DGCR6L: variants seen among roughly 807,000 people sequenced by gnomAD.
DGCR6L encodes the protein protein DGCR6L.
A neutral mutation model predicts 31.1 loss-of-function variants in DGCR6L; 24 were observed. The observed-to-expected ratio is 0.77, with a 90% CI of 0.56 to 1.08. The LOEUF is 1.08. Ranked by LOEUF, DGCR6L falls within the 50% of genes least tolerant of loss-of-function variation. The pLI is 0.00. For missense variants in DGCR6L, 218 were observed against 287.1 expected (o/e 0.76, Z 1.74); for synonymous variants, 104 against 126.1 (o/e 0.82, Z 1.17).
In DGCR6L at chr22:20,315,371, C is replaced by T. The variant is rs778848105; in HGVS notation, c.478G>A (p.Gly160Arg). ...ADQQSTLEKA[G>R]VAGFYVTTNP... ...GTGGTCACGTAGAAGCCAGCCACCC[C>T]CGCCTTCTCCAGTGTGCTCTGCTGG... The change falls in exon 4 of 5, where the codon GGG becomes AGG. Residue 160 changes from glycine to arginine, a missense_variant. Physicochemically the swap from Gly to Arg is moderately radical, Grantham distance 125 (BLOSUM62 -2). This residue lies in a region of DGCR6L where 58 missense variants were observed against 105.4 expected (regional missense o/e 0.55). Transcript: ENST00000248879. The T allele has an allele frequency of 6.2e-7, 1 of 1,613,924 alleles. No homozygotes were observed. Among genetic ancestry groups the T allele is most frequent in the Non-Finnish European group, 8.5e-7 (1 of 1,180,012 alleles).
intron 2 of DGCR6L, 109 bp downstream of exon 2, chr22:20,319,530 A>T: frequency 6.8e-7 from 1 of 1,473,900 alleles, no homozygotes; most frequent in African/African-American, 1.4e-5. Context: ...AATCTTAGAG[A>T]CCTCTTCCGA....
At position 20,316,358 on chromosome 22, in the gene DGCR6L, C is replaced by T. The variant is rs944179749; in HGVS notation, c.272-139G>A. 7 of 1,170,604 alleles carry T rather than the reference C, an allele frequency of 6.0e-6. No individual in the cohort carries two copies. In the African/African-American group the frequency reaches 9.1e-5, roughly 15 times the overall value. 72.5% of individuals were successfully genotyped at this position (1,170,604 alleles called of 1,614,324 possible). A position where few individuals can be genotyped will look rare whatever the true frequency, so the allele number is the denominator to read the frequency against. ...GGGGAGGATGCCAGCCTCCTCCATCCTCCCACCCCACTGTCACCCAGGGCC... is the reference window on the plus strand; with the variant it reads ...GGGGAGGATGCCAGCCTCCTCCATCTTCCCACCCCACTGTCACCCAGGGCC... On this transcript the variant is annotated intron_variant, in intron 2 of 4. Transcript: ENST00000248879.
At chr22:20,315,039 T>A (rs1200683756) in intron 4 of DGCR6L, 4 of 1,274,434 alleles carry the variant, frequency 3.1e-6, no homozygotes, top group Admixed American at 2.0e-5. Context: ...AATCTGAGCC[T>A]CTGCCCCCAG....
At chr22:20,316,433 C>T (rs1419714840) in intron 2 of DGCR6L, among the ~76,000 whole-genome samples, 8 of 152,322 alleles carry the variant, frequency 5.3e-5, no homozygotes, top group Admixed American at 1.3e-4. Flanking sequence ...AGGTGCGGGG[C>T]ACTGAAAGAG....
At position 20,319,648 on chromosome 22, in the gene DGCR6L, C is replaced by T. The variant is rs143007248; in HGVS notation, c.262G>A (p.Glu88Lys). 1.9e-6 allele frequency: 3 copies of T among 1,611,396 alleles called. No individual in the cohort carries two copies. The highest frequency in any genetic ancestry group is 2.5e-6 in the Non-Finnish European group (3 of 1,179,806). ...CGCTGCCCCCGCGCACCTCGGTGCT[C>T]GTTCTGTAGGCGCAGGCGCTGGTTG... ...LYNQRLRLQN[E>K]HRVLRQALRQ... Residue 88 changes from glutamate to lysine, a missense_variant, in exon 2 of 5, where the codon GAG (glutamate) becomes AAG (lysine). By Grantham distance (56) the Glu-to-Lys change is moderately conservative. Coordinates refer to ENST00000248879, the MANE Select transcript of DGCR6L (RefSeq NM_033257.4).
Position 20,319,663 on chromosome 22 carries a change from G to C in DGCR6L, c.247C>G (p.Leu83Val). Residue 83 changes from leucine (L) to valine (V), a missense_variant, in exon 2 of 5, where the codon CTG becomes GTG. By Grantham distance (32) the Leu-to-Val change is conservative. Around this residue, in one of 4 missense-constraint regions of DGCR6L, gnomAD observed 78 missense variants for 90.0 expected, o/e 0.87. Coordinates refer to ENST00000248879, the MANE Select transcript of DGCR6L (RefSeq NM_033257.4). ...LTEKSLYNQR[L>V]RLQNEHRVLR... ...CCTCGGTGCTCGTTCTGTAGGCGCAGGCGCTGGTTGTACAGGCTCTTTTCG... is the reference window on the plus strand; with the variant it reads ...CCTCGGTGCTCGTTCTGTAGGCGCACGCGCTGGTTGTACAGGCTCTTTTCG... The C allele has an allele frequency of 6.2e-7, 1 of 1,611,716 alleles. No homozygotes were observed. Among genetic ancestry groups the C allele is most frequent in the Non-Finnish European group, 8.5e-7 (1 of 1,179,856 alleles).
chr22:20,315,461 T>C lies in DGCR6L; in HGVS notation c.388A>G (p.Ile130Val). ...QRELEAVEHR[I>V]REEQRAMDQK... ...TCCATCGCCCGCTGCTCCTCACGGATCCGGTGTTCCACGGCCTGCCATGGG... is the reference window on the plus strand; with the variant it reads ...TCCATCGCCCGCTGCTCCTCACGGACCCGGTGTTCCACGGCCTGCCATGGG... Residue 130 changes from isoleucine (I) to valine (V), a missense_variant, in exon 4 of 5, where the codon ATC becomes GTC. Transcript: ENST00000248879. 1.2e-6 allele frequency: 2 copies of C among 1,613,546 alleles called. No individual in the cohort carries two copies. Among genetic ancestry groups the C allele is most frequent in the Non-Finnish European group, 1.7e-6 (2 of 1,179,950 alleles).
At chr22:20,317,618 A>G (rs1286640111) in intron 2 of DGCR6L, among the ~76,000 whole-genome samples, 1 of 152,258 alleles carries the variant, frequency 6.6e-6, no homozygotes, top group Non-Finnish European at 1.5e-5. Flanking sequence ...GCTATAAGGA[A>G]CTATAGCTCT....
At chr22:20,319,576 C>T (rs1373679019) in intron 2 of DGCR6L, 63 bp downstream of exon 2, 5 of 1,581,304 alleles carry the variant, frequency 3.2e-6, no homozygotes, top group Non-Finnish European at 4.3e-6. Context: ...GCACAGATAC[C>T]AAGAGCTGCC....
chr22:20,318,675 G>C (rs2051586798), intron 2 of DGCR6L: 1 of 152,208 alleles, frequency 6.6e-6, no homozygotes, highest in African/African-American at 2.4e-5. Flanking sequence ...AGCTGTGTAG[G>C]AGACCAGTTT....
rs1335888110 is a variant in DGCR6L, at chr22:20,319,974, C to A, written c.15G>T (p.Ala5=). The A allele has an allele frequency of 1.3e-6, 2 of 1,596,442 alleles. No homozygotes were observed. The highest frequency in any genetic ancestry group is 3.5e-5 in the Admixed American group (2 of 57,624). The change falls in exon 1 of 5, where the codon GCG becomes GCT. Residue 5 remains alanine (A), a synonymous_variant. Coordinates refer to ENST00000248879, the MANE Select transcript of DGCR6L (RefSeq NM_033257.4). ...CGTCCGCCACCTCCTCCAAGGCGGC[C>A]GCGTAGCGCTCCATGGCGCGGACGC... MERY[A]AALEEVADGA... is the part of the protein sequence containing the mutation.
chr22:20,320,029 C>G lies in DGCR6L; in HGVS notation c.-41G>C. ...TAGCCGCCGGCGGCGGCGACGAGCT[C>G]CCCCAGCTTCACGACATCCCGAGCG... is the stretch of plus-strand genomic sequence containing the variant. On this transcript the variant is annotated 5_prime_UTR_variant, in exon 1 of 5. Transcript: ENST00000248879. 6.7e-7 allele frequency: 1 copy of G among 1,497,132 alleles called. No individual in the cohort carries two copies. Among genetic ancestry groups the G allele is most frequent in the Non-Finnish European group, 8.9e-7 (1 of 1,128,274 alleles). 92.7% of individuals were successfully genotyped at this position (1,497,132 alleles called of 1,614,324 possible).
At chr22:20,318,289 C>T (rs1247223088) in intron 2 of DGCR6L, 1 of 152,368 alleles carries the variant, frequency 6.6e-6, no homozygotes, top group African/African-American at 2.4e-5. Flanking sequence ...GGGGGCCTTG[C>T]ACTGCTAGGA....
intron 2 of DGCR6L, chr22:20,318,144 T>C (rs1372212908): frequency 1.3e-5 from 2 of 155,448 alleles, no homozygotes; most frequent in African/African-American, 4.8e-5. Context: ...TGTAATTCAC[T>C]GTAGTAATAG....
intron 4 of DGCR6L, 61 bp from the exon 5 acceptor site, chr22:20,314,885 C>A (rs950806525): frequency 2.5e-6 from 4 of 1,607,204 alleles, no homozygotes; most frequent in Non-Finnish European, 3.4e-6. Context: ...TCATCCCGGC[C>A]CAAGGGTGCC....
At chr22:20,319,835 A>C (rs1201090992) in intron 1 of DGCR6L, 36 bp from the exon 2 acceptor site, 3 of 1,597,802 alleles carry the variant, frequency 1.9e-6, no homozygotes, top group Non-Finnish European at 2.6e-6. Context: ...CCCGGCGGGA[A>C]ACGAAGCCGC....
intron 2 of DGCR6L, among the ~76,000 whole-genome samples, chr22:20,316,491 C>A (rs1378131937): frequency 1.3e-5 from 2 of 152,196 alleles, no homozygotes; most frequent in African/African-American, 4.8e-5. Flanking sequence ...CAGCCCCAGA[C>A]CCAGGGCAGC....
At chr22:20,314,980 A>C in intron 4 of DGCR6L, 156 bp from the exon 5 acceptor site, 2 of 1,481,754 alleles carry the variant, frequency 1.3e-6, no homozygotes, top group Non-Finnish European at 1.8e-6. Flanking sequence ...TTCTGCCCCC[A>C]ACAGGGCCAC....
intron 4 of DGCR6L, 97 bp downstream of exon 4, chr22:20,315,239 A>G (rs764320176): frequency 6.5e-7 from 1 of 1,544,556 alleles, no homozygotes; most frequent in South Asian, 1.2e-5. Flanking sequence ...TCACCCCCAT[A>G]CCCTGAGCCT....
Sources: allele counts gnomAD v4.1 joint callset (sites outside exome capture counted in the v4.1 genomes callset), GRCh38; gene constraint gnomAD v4.1.1; regional missense constraint gnomAD v4.1.1; transcripts MANE v1.5; gene names NCBI Gene and HGNC (gene_info 2026-07-23, HGNC 2026-07-21).